Variants in KCNH1 observed in about 807,000 individuals in gnomAD.
The protein encoded by KCNH1 is potassium voltage-gated channel subfamily H member 1, also known as voltage-gated delayed rectifier potassium channel KCNH1.
KCNH1 carries 27 observed loss-of-function variants against 69.2 expected under a neutral mutation model. The ratio of observed to expected loss-of-function variants is 0.39; its 90% CI spans 0.29 to 0.54. The LOEUF (loss-of-function observed/expected upper bound fraction) is 0.54, where lower values mean the gene tolerates loss of function less well. Among genes scored for constraint, KCNH1 ranks in the 20% least tolerant of loss-of-function variants. The probability of loss-of-function intolerance (pLI) is 0.68; values close to 1 mark genes in which losing one functional copy is unlikely to be tolerated. For synonymous variants in KCNH1, 456 were observed against 487.7 expected (o/e 0.93, Z 0.86); for missense variants, 798 against 1,261.6 (o/e 0.63, Z 5.57).
At chr1:210,979,863 A>C (rs1022535328) in intron 6 of KCNH1, among the ~76,000 whole-genome samples, 2 of 152,150 alleles carry the variant, frequency 1.3e-5, no homozygotes, top group African/African-American at 4.8e-5. Context: ...TTCTGACAGG[A>C]AATTCATGCT....
chr1:211,077,311 T>A (rs535275339), intron 5 of KCNH1, among the ~76,000 whole-genome samples: 11 of 151,992 alleles, frequency 7.2e-5, no homozygotes, highest in African/African-American at 2.7e-4. Flanking sequence ...ATTGTCAGAT[T>A]CACCAAGGTT....
At chr1:211,052,194 T>G (rs1248085786) in intron 5 of KCNH1, among the ~76,000 whole-genome samples, 1 of 152,100 alleles carries the variant, frequency 6.6e-6, no homozygotes, top group Non-Finnish European at 1.5e-5. Context: ...AATCCCAGCC[T>G]CAGAAAAGAG....
At chr1:211,062,684 A>T (rs571156970) in intron 5 of KCNH1, among the ~76,000 whole-genome samples, 1 of 152,352 alleles carries the variant, frequency 6.6e-6, no homozygotes, top group African/African-American at 2.4e-5. Context: ...GACGACATAC[A>T]AATGGCAAAG....
intron 5 of KCNH1, among the ~76,000 whole-genome samples, chr1:211,020,177 AC>A (rs1170778600): frequency 3.5e-4 from 54 of 152,160 alleles, no homozygotes; most frequent in African/African-American, 1.3e-3. Context: ...TAAAATTAAG[AC>A]AAAAAATACA....
At chr1:211,023,216 G>A (rs1689622593) in intron 5 of KCNH1, among the ~76,000 whole-genome samples, 1 of 151,656 alleles carries the variant, frequency 6.6e-6, no homozygotes, top group African/African-American at 2.4e-5. Flanking sequence ...TACTTTTGTT[G>A]GGGATGTAAA....
chr1:211,082,670 G>A lies in KCNH1; in HGVS notation c.558+110C>T, dbSNP rs2102467084. ...GTAAGCCCAGCCAAGACAGGCGTCT[G>A]GGGGTCCTGAAGGTCCTCTCCATGA... On this transcript the variant is annotated intron_variant, in intron 5 of 10. Transcript: ENST00000271751. The A allele has an allele frequency of 7.4e-6, 6 of 813,256 alleles. 1 individual carries two copies. The South Asian group carries it at 8.2e-5, about 11-fold the overall frequency. 50.4% of individuals were successfully genotyped at this position (813,256 alleles called of 1,614,324 possible). A position where few individuals can be genotyped will look rare whatever the true frequency, so the allele number is the denominator to read the frequency against.
intron 10 of KCNH1, among the ~76,000 whole-genome samples, chr1:210,751,372 AG>A (rs1231457682): frequency 6.6e-6 from 1 of 152,220 alleles, no homozygotes; most frequent in African/African-American, 2.4e-5. Context: ...AAGCAGTTTT[AG>A]TGGCTGTATG....
intron 6 of KCNH1, among the ~76,000 whole-genome samples, chr1:210,984,980 CAG>C (rs1688799976): frequency 6.6e-6 from 1 of 152,124 alleles, no homozygotes; most frequent in Non-Finnish European, 1.5e-5. Context: ...TTGGTCTATT[CAG>C]AGATTCCATT....
chr1:210,937,524 G>A (rs1271267659), intron 6 of KCNH1, among the ~76,000 whole-genome samples: 2 of 152,196 alleles, frequency 1.3e-5, no homozygotes, highest in Non-Finnish European at 2.9e-5. Flanking sequence ...GCTAGAGCAT[G>A]GCAGTACTGC....
chr1:210,993,649 T>G (rs1209433610), intron 6 of KCNH1, among the ~76,000 whole-genome samples: 1 of 152,248 alleles, frequency 6.6e-6, no homozygotes, highest in East Asian at 1.9e-4. Context: ...TATTATAGTT[T>G]CACATTCTTT....
intron 1 of KCNH1, among the ~76,000 whole-genome samples, chr1:211,123,653 A>T (rs1035753839): frequency 6.6e-6 from 1 of 152,202 alleles, no homozygotes; most frequent in Non-Finnish European, 1.5e-5. Flanking sequence ...AGATGGAGAA[A>T]GGAGAGGAGA....
At chr1:210,695,764 G>A (rs962784065) in intron 10 of KCNH1, among the ~76,000 whole-genome samples, 3 of 152,208 alleles carry the variant, frequency 2.0e-5, no homozygotes, top group Non-Finnish European at 2.9e-5. Flanking sequence ...ATATGAGGAT[G>A]AAGTGAGACA....
intron 7 of KCNH1, among the ~76,000 whole-genome samples, chr1:210,902,717 G>A (rs1030587245): frequency 5.9e-5 from 9 of 152,224 alleles, no homozygotes; most frequent in African/African-American, 2.2e-4. Context: ...CCCAGTCAGT[G>A]ACACTGCCAA....
intron 5 of KCNH1, among the ~76,000 whole-genome samples, chr1:211,055,931 C>A (rs894458378): frequency 6.6e-6 from 1 of 152,218 alleles, no homozygotes; most frequent in African/African-American, 2.4e-5. Flanking sequence ...AGTGCTCACC[C>A]CAGGCCTTGG....
chr1:211,018,719 G>A (rs976313693), intron 6 of KCNH1, 64 bp downstream of exon 6: 2 of 1,269,624 alleles, frequency 1.6e-6, no homozygotes, highest in African/African-American at 1.5e-5. Flanking sequence ...TTCTTCTGTT[G>A]ACCACCCACA....
intron 10 of KCNH1, among the ~76,000 whole-genome samples, chr1:210,769,707 A>G (rs753917807): frequency 6.6e-6 from 1 of 152,222 alleles, no homozygotes; most frequent in Non-Finnish European, 1.5e-5. Flanking sequence ...TAATTGTGGT[A>G]CATTGCTTCT....
At chr1:210,931,665 A>T (rs573157302) in intron 6 of KCNH1, among the ~76,000 whole-genome samples, 5 of 152,236 alleles carry the variant, frequency 3.3e-5, no homozygotes, top group African/African-American at 7.2e-5. Flanking sequence ...TAATAAAATT[A>T]AATTTAATTT....
At chr1:210,850,990 T>C (rs1025579989) in intron 7 of KCNH1, among the ~76,000 whole-genome samples, 4 of 152,234 alleles carry the variant, frequency 2.6e-5, no homozygotes, top group Non-Finnish European at 5.9e-5. Context: ...TGCATTCTCA[T>C]GCTGCCAAAT....
At chr1:210,710,570 A>G (rs1257237817) in intron 10 of KCNH1, among the ~76,000 whole-genome samples, 2 of 152,198 alleles carry the variant, frequency 1.3e-5, no homozygotes, top group African/African-American at 4.8e-5. Context: ...TTTCAGCTCC[A>G]TTATAATCTT....
Sources: allele counts gnomAD v4.1 joint callset (sites outside exome capture counted in the v4.1 genomes callset), GRCh38; gene constraint gnomAD v4.1.1; transcripts MANE v1.5; gene names NCBI Gene and HGNC (gene_info 2026-07-23, HGNC 2026-07-21).